The following WWC2 variants were observed in gnomAD, a reference collection of about 807,000 sequenced individuals.
WWC2 encodes protein WWC2.
WWC2 carries 101 observed loss-of-function variants against 138.5 expected under a neutral mutation model. The observed-to-expected ratio is 0.73, with a 90% CI of 0.62 to 0.86. The LOEUF (loss-of-function observed/expected upper bound fraction) is 0.86. Ranked by LOEUF, WWC2 falls within the 40% of genes least tolerant of loss-of-function variation. WWC2 has a pLI of 0.00. For missense variants in WWC2, 1,420 were observed against 1,419.4 expected (o/e 1.00, Z -0.01); for synonymous variants, 558 against 538.4 (o/e 1.04, Z -0.50).
At position 183,261,387 on chromosome 4, in the gene WWC2, T is replaced by G; in HGVS notation, c.1764T>G (p.Cys588Trp). ...LHQFTADFED[C>W]ELSSHFADIS... The stretch of plus-strand genomic sequence containing the variant: ...AGTTCACTGCTGACTTTGAAGACTG[T>G]GAGTTGAGTAGCCATTTTGCAGATA... Residue 588 changes from cysteine (C) to tryptophan (W), a missense_variant, in exon 11 of 23, where the codon TGT becomes TGG. Physicochemically the swap from Cys to Trp is radical, Grantham distance 215. Transcript: ENST00000403733. The G allele has an allele frequency of 6.2e-7, 1 of 1,613,204 alleles. No individual in the cohort carries two copies. The highest frequency in any genetic ancestry group is 8.5e-7 in the Non-Finnish European group (1 of 1,179,574).
chr4:183,303,804 T>C (rs552645069), intron 21 of WWC2, among the ~76,000 whole-genome samples: 1 of 152,274 alleles, frequency 6.6e-6, no homozygotes, highest in African/African-American at 2.4e-5. Context: ...AACAGTTATA[T>C]GAATACACTG....
At chr4:183,105,806 C>T (rs1321049518) in intron 1 of WWC2, among the ~76,000 whole-genome samples, 3 of 151,166 alleles carry the variant, frequency 2.0e-5, no homozygotes, top group Middle Eastern at 6.8e-3. Context: ...AGGAGAATGG[C>T]GTGAACCCGG....
chr4:183,208,141 A>G lies in WWC2; in HGVS notation c.430A>G (p.Ser144Gly), dbSNP rs766706847. 3.1e-6 allele frequency: 5 copies of G among 1,613,656 alleles called. No homozygotes were observed. Among genetic ancestry groups the G allele is most frequent in the African/African-American group, 1.3e-5 (1 of 75,048 alleles). Residue 144 changes from serine to glycine, a missense_variant, in exon 3 of 23, where the codon AGT (serine) becomes GGT (glycine). Transcript: ENST00000403733. ...RLNDAYKEKS[S>G]SHTSLFSGSS... ...AAATGATGCCTATAAGGAAAAGTCA[A>G]GTTCTCACACAAGCTGTAAGTACAG...
At chr4:183,280,952 G>A in intron 17 of WWC2, 55 bp downstream of exon 17, 1 of 1,510,014 alleles carries the variant, frequency 6.6e-7, no homozygotes, top group Middle Eastern at 1.7e-4. Context: ...TGTTTACACG[G>A]CTTACAGTGA....
At chr4:183,165,054 C>CTTT (rs913182849) in intron 1 of WWC2, among the ~76,000 whole-genome samples, 2 of 152,208 alleles carry the variant, frequency 1.3e-5, no homozygotes, top group African/African-American at 4.8e-5. Context: ...ATAACACAAA[C>CTTT]ATTCCTGGGT....
intron 1 of WWC2, among the ~76,000 whole-genome samples, chr4:183,165,206 G>C (rs1734099338): frequency 6.6e-6 from 1 of 152,030 alleles, no homozygotes; most frequent in Admixed American, 6.6e-5. Context: ...GAGGTACAAG[G>C]GCCTCTTCTG....
chr4:183,267,264 C>T (rs1202890184), intron 14 of WWC2, among the ~76,000 whole-genome samples: 1 of 152,046 alleles, frequency 6.6e-6, no homozygotes, highest in East Asian at 1.9e-4. Context: ...GTGGACTGTC[C>T]ACATCATTAG....
In WWC2 at chr4:183,315,766, C is replaced by T; in HGVS notation, c.*37C>T. On this transcript the variant is annotated 3_prime_UTR_variant, in exon 23 of 23. Coordinates refer to ENST00000403733, the MANE Select transcript of WWC2 (RefSeq NM_024949.6). ...AAGAAATTATTTTTTCATCTGTTCA[C>T]TTTCTTAGGGAGGGTAAAAGACTGA... 1 of 1,552,162 alleles carries T rather than the reference C, an allele frequency of 6.4e-7. No individual in the cohort carries two copies. The highest frequency in any genetic ancestry group is 8.8e-7 in the Non-Finnish European group (1 of 1,130,684).
At chr4:183,125,224 AT>A (rs1732725218) in intron 1 of WWC2, among the ~76,000 whole-genome samples, 1 of 152,098 alleles carries the variant, frequency 6.6e-6, no homozygotes, top group African/African-American at 2.4e-5. Flanking sequence ...TACAGGTTCA[AT>A]TTGCAAGTGA....
At chr4:183,154,446 T>C (rs1023475325) in intron 1 of WWC2, among the ~76,000 whole-genome samples, 1 of 152,202 alleles carries the variant, frequency 6.6e-6, no homozygotes, top group Non-Finnish European at 1.5e-5. Flanking sequence ...CCCCAGGGAA[T>C]ATCTCGTGAT....
In WWC2 at chr4:183,289,280, T is replaced by A. The variant is rs1738353947; in HGVS notation, c.3142-113T>A. 4.8e-6 allele frequency: 7 copies of A among 1,454,426 alleles called. 1 individual carries two copies. The Admixed American group carries it at 1.7e-4, about 36-fold the overall frequency. The allele number at this position is 1,454,426 out of a possible 1,614,324, so 90.1% of individuals were successfully genotyped here. A position where few individuals can be genotyped will look rare whatever the true frequency, so the allele number is the denominator to read the frequency against. ...CGAGTTGCTCCTGCCCCTTAGGCCC[T>A]GGCTTCTAGGGTGCAAGGAAGCACC... On this transcript the variant is annotated intron_variant, in intron 20 of 22. Transcript: ENST00000403733.
At chr4:183,169,719 A>G (rs1260087836) in intron 1 of WWC2, among the ~76,000 whole-genome samples, 1 of 152,198 alleles carries the variant, frequency 6.6e-6, no homozygotes, top group Non-Finnish European at 1.5e-5. Context: ...AATATAGTAT[A>G]TATGTTAAAG....
intron 1 of WWC2, among the ~76,000 whole-genome samples, chr4:183,122,130 T>C (rs906880125): frequency 4.6e-5 from 7 of 152,178 alleles, no homozygotes; most frequent in Admixed American, 3.9e-4. Flanking sequence ...TTCTTTGCTC[T>C]TTATTTTTAT....
chr4:183,146,433 C>T (rs981746185), intron 1 of WWC2, among the ~76,000 whole-genome samples: 1 of 152,176 alleles, frequency 6.6e-6, no homozygotes, highest in Non-Finnish European at 1.5e-5. Context: ...GTAAACAGAA[C>T]AGCTAGTTTT....
At chr4:183,113,512 GTGT>G (rs1350370730) in intron 1 of WWC2, among the ~76,000 whole-genome samples, 1 of 142,692 alleles carries the variant, frequency 7.0e-6, no homozygotes, top group African/African-American at 2.8e-5. Flanking sequence ...GTGTGTGTGT[GTGT>G]GCGCGCGCGT....
At chr4:183,240,903 C>T (rs919184245) in intron 5 of WWC2, among the ~76,000 whole-genome samples, 1 of 152,184 alleles carries the variant, frequency 6.6e-6, no homozygotes, top group Non-Finnish European at 1.5e-5. Context: ...CAGAGGGTCA[C>T]AGGATGAGGA....
chr4:183,152,257 T>G (rs1733654763), intron 1 of WWC2, among the ~76,000 whole-genome samples: 2 of 151,938 alleles, frequency 1.3e-5, no homozygotes, highest in Non-Finnish European at 2.9e-5. Context: ...CCCAGCACTT[T>G]GGGAGGCTGA....
Position 183,283,052 on chromosome 4 carries a change from G to A in WWC2, c.2883+146G>A. The A allele has an allele frequency of 4.1e-6, 3 of 725,334 alleles. No homozygotes were observed. The South Asian group carries it at 8.6e-5, about 21-fold the overall frequency. 44.9% of individuals were successfully genotyped at this position (725,334 alleles called of 1,614,324 possible). On this transcript the variant is annotated intron_variant, in intron 18 of 22. Coordinates refer to ENST00000403733, the MANE Select transcript of WWC2 (RefSeq NM_024949.6). ...TCGTGAAAGGCATATGTGGGAATAGGCTCTAAGAAGCATCATAAATGCTTT... is the reference window on the plus strand; with the variant it reads ...TCGTGAAAGGCATATGTGGGAATAGACTCTAAGAAGCATCATAAATGCTTT...
intron 1 of WWC2, among the ~76,000 whole-genome samples, chr4:183,146,219 T>C (rs1014596714): frequency 6.6e-6 from 1 of 152,222 alleles, no homozygotes; most frequent in Admixed American, 6.5e-5. Context: ...CTAGTGAGCA[T>C]GTATTAGTAG....
Sources: gnomAD v4.1 joint callset for allele counts (sites outside exome capture counted in the v4.1 genomes callset) on GRCh38, gnomAD v4.1.1 for gene constraint, MANE v1.5 for transcripts, NCBI Gene and HGNC (gene_info 2026-07-23, HGNC 2026-07-21) for gene names.